UBR3: variants seen among roughly 807,000 people sequenced by gnomAD.
The protein encoded by UBR3 is ubiquitin protein ligase E3 component n-recognin 3.
UBR3 carries 85 observed loss-of-function variants against 243.2 expected under a neutral mutation model. That is an observed-to-expected ratio of 0.35 (90% confidence interval 0.29 to 0.42). UBR3 has a LOEUF of 0.42. Among genes scored for constraint, UBR3 ranks in the 10% least tolerant of loss-of-function variants. UBR3 has a pLI of 1.00. For missense variants in UBR3, 1,686 were observed against 2,300.8 expected (o/e 0.73, Z 5.47); for synonymous variants, 748 against 799.8 (o/e 0.94, Z 1.09).
At chr2:169,828,873 C>A (rs2081835260) in intron 1 of UBR3, among the ~76,000 whole-genome samples, 1 of 152,064 alleles carries the variant, frequency 6.6e-6, no homozygotes, top group South Asian at 2.1e-4. Context: ...TTGACAGAAG[C>A]GATGCATCAG....
chr2:169,936,587 A>T (rs1279873811), intron 19 of UBR3, among the ~76,000 whole-genome samples: 1 of 151,918 alleles, frequency 6.6e-6, no homozygotes, highest in Non-Finnish European at 1.5e-5. Flanking sequence ...TTTCTTACAT[A>T]TGTATACATG....
At chr2:169,828,166 A>C in intron 1 of UBR3, 114 bp downstream of exon 1, 9 of 708,772 alleles carry the variant, frequency 1.3e-5, no homozygotes, top group Admixed American at 2.0e-4. Flanking sequence ...GGTGCGGGGG[A>C]GGGTGCAGCC....
At chr2:170,013,241 T>C (rs2090137489) in intron 29 of UBR3, among the ~76,000 whole-genome samples, 2 of 152,132 alleles carry the variant, frequency 1.3e-5, no homozygotes, top group Admixed American at 1.3e-4. Context: ...CTTTAGCATG[T>C]CTCAAAGGAC....
chr2:169,906,119 C>A lies in UBR3; in HGVS notation c.1734C>A (p.Ala578=), dbSNP rs753768947. The change falls in exon 10 of 39, where the codon GCC becomes GCA. Residue 578 remains alanine (A), a synonymous_variant. Coordinates refer to ENST00000272793, the MANE Select transcript of UBR3 (RefSeq NM_172070.4). Reference sequence around the variant, plus strand: ...CTGCCTTTGCTGCTGAACTTGAGGCCTGTGCACAGCCAATGTGGGGGCTTT... The same window carrying A: ...CTGCCTTTGCTGCTGAACTTGAGGCATGTGCACAGCCAATGTGGGGGCTTT... ...YYAAFAAELE[A]CAQPMWGLLS... The A allele has an allele frequency of 7.1e-6, 11 of 1,551,182 alleles. No homozygotes were observed. The South Asian group carries it at 1.2e-4, about 17-fold the overall frequency.
chr2:170,012,717 AC>A (rs2090122609), intron 29 of UBR3, among the ~76,000 whole-genome samples: 1 of 151,266 alleles, frequency 6.6e-6, no homozygotes, highest in Non-Finnish European at 1.5e-5. Context: ...AACTTGCTCA[AC>A]TACTGAGTGG....
chr2:169,995,552 T>C (rs2089447483), intron 26 of UBR3, among the ~76,000 whole-genome samples: 1 of 152,216 alleles, frequency 6.6e-6, no homozygotes, highest in African/African-American at 2.4e-5. Flanking sequence ...AAGTCACAGT[T>C]TCCAAGAACC....
intron 36 of UBR3, chr2:170,077,099 T>G (rs1047175590): frequency 1.7e-5 from 7 of 400,370 alleles, no homozygotes; most frequent in African/African-American, 1.5e-4. Flanking sequence ...ATTTTAATGT[T>G]TACAATTTAA....
intron 32 of UBR3, among the ~76,000 whole-genome samples, chr2:170,048,361 C>CA (rs1238385729): frequency 6.6e-6 from 1 of 152,172 alleles, no homozygotes; most frequent in Non-Finnish European, 1.5e-5. Context: ...GTCAGAGGGT[C>CA]AAAACCTCAC....
rs375548368 is a variant in UBR3, at chr2:169,854,899, C to T, written c.546-17337C>T. Among the ~76,000 whole-genome samples the T allele has an allele frequency of 4.1e-4, 63 of 152,146 alleles. 1 individual carries two copies. The South Asian group carries it at 0.011, about 28-fold the overall frequency. ...CATCTTTAATGCTGGTATTAAAATA[C>T]TATATATAATAAATTCTTAAACCAA... is the stretch of plus-strand genomic sequence containing the variant. On this transcript the variant is annotated intron_variant, in intron 1 of 38. Transcript: ENST00000272793.
chr2:170,079,523 T>G (rs1574490998), intron 36 of UBR3, among the ~76,000 whole-genome samples: 2 of 152,222 alleles, frequency 1.3e-5, no homozygotes, highest in South Asian at 4.1e-4. Context: ...CCCTGCATGC[T>G]TAGAGATGGT....
intron 32 of UBR3, among the ~76,000 whole-genome samples, chr2:170,043,197 A>G (rs1049930180): frequency 6.6e-6 from 1 of 152,148 alleles, no homozygotes; most frequent in Admixed American, 6.6e-5. Flanking sequence ...TGACATAGAG[A>G]AGATTGTCTC....
At chr2:169,902,894 G>A (rs1162728711) in intron 8 of UBR3, among the ~76,000 whole-genome samples, 1 of 152,192 alleles carries the variant, frequency 6.6e-6, no homozygotes, top group African/African-American at 2.4e-5. Flanking sequence ...ACAGGCGTGA[G>A]CCACCATGGC....
At chr2:169,872,422 T>A (rs1295697856) in intron 2 of UBR3, 47 bp downstream of exon 2, 1 of 1,328,266 alleles carries the variant, frequency 7.5e-7, no homozygotes, top group Non-Finnish European at 1.0e-6. Context: ...AAATTGTAAA[T>A]TTACAAAGTT....
intron 26 of UBR3, among the ~76,000 whole-genome samples, chr2:169,998,544 C>T (rs758803239): frequency 1.1e-4 from 16 of 152,172 alleles, no homozygotes; most frequent in Non-Finnish European, 2.2e-4. Flanking sequence ...CAGGGGCTAG[C>T]ACATGCTATG....
At chr2:170,075,787 A>AC (rs2091793787) in intron 36 of UBR3, among the ~76,000 whole-genome samples, 1 of 152,212 alleles carries the variant, frequency 6.6e-6, no homozygotes, top group East Asian at 1.9e-4. Flanking sequence ...GTCCAACAGT[A>AC]CTACCCTTGA....
At position 170,008,940 on chromosome 2, in the gene UBR3, G is replaced by A; in HGVS notation, c.4367G>A (p.Arg1456Lys). ...TTTCTCTTTATGTACTCTGTTGCTA[G>A]GTAGGTATATATAGTGTATACTTTT... is the stretch of plus-strand genomic sequence containing the variant. ...NDFLFMYSVARTNLELELIHR... is the reference protein window; with the variant it reads ...NDFLFMYSVAKTNLELELIHR... The change falls in exon 29 of 39, where the codon AGA becomes AAA. Residue 1456 changes from arginine to lysine, a missense_variant and splice_region_variant. Arg to Lys is a conservative substitution (Grantham distance 26, BLOSUM62 2). This residue lies in a region of UBR3 where 371 missense variants were observed against 422.5 expected (regional missense o/e 0.88). Coordinates refer to ENST00000272793, the MANE Select transcript of UBR3 (RefSeq NM_172070.4). 1 of 1,584,314 alleles carries A rather than the reference G, an allele frequency of 6.3e-7. No homozygotes were observed. Among genetic ancestry groups the A allele is most frequent in the Non-Finnish European group, 8.6e-7 (1 of 1,168,506 alleles).
At chr2:170,055,666 T>TG in intron 33 of UBR3, 82 bp downstream of exon 33, 1 of 1,514,350 alleles carries the variant, frequency 6.6e-7, no homozygotes. Flanking sequence ...AGAGTAGGTG[T>TG]TACAAAATGA....
chr2:169,877,398 G>A, intron 3 of UBR3, 96 bp from the exon 4 acceptor site: 1 of 1,118,426 alleles, frequency 8.9e-7, no homozygotes, highest in Non-Finnish European at 1.2e-6. Context: ...CACTCCATTA[G>A]AATATTCACC....
intron 25 of UBR3, among the ~76,000 whole-genome samples, chr2:169,991,593 A>T (rs1553527388): frequency 2.0e-5 from 3 of 152,014 alleles, no homozygotes; most frequent in Non-Finnish European, 2.9e-5. Flanking sequence ...TATTATTATT[A>T]TTTTTTTGAG....
Sources: allele counts gnomAD v4.1 joint callset (sites outside exome capture counted in the v4.1 genomes callset), GRCh38; gene constraint gnomAD v4.1.1; regional missense constraint gnomAD v4.1.1; transcripts MANE v1.5; gene names NCBI Gene and HGNC (gene_info 2026-07-23, HGNC 2026-07-21).